CALN1: variants seen among roughly 807,000 people sequenced by gnomAD.
The protein encoded by CALN1 is calcium-binding protein 8.
In CALN1, 17 loss-of-function variants were observed where a neutral mutation model predicts 30.6. The observed-to-expected ratio is 0.56, with a 90% CI of 0.38 to 0.83. The LOEUF is 0.83. Among genes scored for constraint, CALN1 ranks in the 40% least tolerant of loss-of-function variants. CALN1 has a pLI of 0.00. For missense variants in CALN1, 291 were observed against 354.9 expected (o/e 0.82, Z 1.45); for synonymous variants, 156 against 131.4 (o/e 1.19, Z -1.28).
chr7:72,146,395 G>A (rs995513624), intron 3 of CALN1, among the ~76,000 whole-genome samples: 4 of 152,080 alleles, frequency 2.6e-5, no homozygotes, highest in African/African-American at 9.7e-5. Context: ...AAAATACCTA[G>A]GAATCCAACT....
At chr7:72,107,198 G>A (rs1807236244) in intron 3 of CALN1, among the ~76,000 whole-genome samples, 1 of 152,108 alleles carries the variant, frequency 6.6e-6, no homozygotes, top group African/African-American at 2.4e-5. Context: ...GGAGAAAGCT[G>A]CCTCTTAACT....
upstream of CALN1, chr7:72,412,473 T>C (rs1807250183): frequency 6.6e-6 from 1 of 152,104 alleles, no homozygotes; most frequent in South Asian, 2.1e-4. Flanking sequence ...GAGTGCTGAT[T>C]GGTCCATTTT....
chr7:72,012,894 C>T (rs993170788), intron 5 of CALN1, among the ~76,000 whole-genome samples: 4 of 152,248 alleles, frequency 2.6e-5, no homozygotes, highest in Admixed American at 1.3e-4. Context: ...CTCCGGGGTT[C>T]AAGCAATTCT....
intron 5 of CALN1, among the ~76,000 whole-genome samples, chr7:71,921,625 C>T (rs896896506): frequency 6.6e-6 from 1 of 152,148 alleles, no homozygotes; most frequent in African/African-American, 2.4e-5. Context: ...ATGTCCCTTA[C>T]TGGCTGAAAA....
intron 2 of CALN1, among the ~76,000 whole-genome samples, chr7:72,350,152 A>ACTG (rs1390789994): frequency 2.6e-5 from 4 of 152,166 alleles, no homozygotes; most frequent in Admixed American, 2.0e-4. Context: ...GTTTCAATCT[A>ACTG]CTGCTTTGGC....
intron 2 of CALN1, among the ~76,000 whole-genome samples, chr7:72,362,335 G>C (rs772549712): frequency 1.3e-5 from 2 of 152,040 alleles, no homozygotes; most frequent in East Asian, 3.9e-4. Context: ...ATGTACAGTC[G>C]CAAGAGTTTT....
chr7:71,903,566 A>G (rs1221216821), intron 5 of CALN1, among the ~76,000 whole-genome samples: 1 of 152,214 alleles, frequency 6.6e-6, no homozygotes, highest in Non-Finnish European at 1.5e-5. Flanking sequence ...AATGGATTAG[A>G]GACTTAAATG....
At chr7:72,258,272 G>A (rs917567517) in intron 3 of CALN1, among the ~76,000 whole-genome samples, 2 of 152,146 alleles carry the variant, frequency 1.3e-5, no homozygotes, top group African/African-American at 4.8e-5. Context: ...TTATAGGCAG[G>A]CAATCTTTGA....
chr7:72,405,661 CTAGT>C, intron 1 of CALN1, among the ~76,000 whole-genome samples: 1 of 151,902 alleles, frequency 6.6e-6, no homozygotes, highest in South Asian at 2.1e-4. Context: ...GGAGACTTCT[CTAGT>C]TAGCTCGTTA....
intron 5 of CALN1, among the ~76,000 whole-genome samples, chr7:71,897,976 A>AAG (rs1793623965): frequency 8.6e-6 from 1 of 116,890 alleles, no homozygotes; most frequent in Non-Finnish European, 1.7e-5. Flanking sequence ...AAAAAACAAA[A>AAG]AAAAAAAAAA....
chr7:72,131,643 A>C (rs758755769), intron 3 of CALN1, among the ~76,000 whole-genome samples: 2 of 152,154 alleles, frequency 1.3e-5, no homozygotes, highest in Non-Finnish European at 2.9e-5. Context: ...TTCACACTCT[A>C]AAATTTTTAA....
intron 5 of CALN1, among the ~76,000 whole-genome samples, chr7:71,887,455 C>A (rs1792980021): frequency 6.6e-6 from 1 of 152,124 alleles, no homozygotes; most frequent in Non-Finnish European, 1.5e-5. Flanking sequence ...GTCACCACGC[C>A]TGGCTAATTT....
chr7:72,104,684 C>T (rs1386517733), intron 4 of CALN1, among the ~76,000 whole-genome samples: 5 of 152,088 alleles, frequency 3.3e-5, no homozygotes, highest in African/African-American at 7.2e-5. Flanking sequence ...TTAGGCCGGG[C>T]GCGCTGGCTC....
chr7:72,252,252 T>A (rs1795611512), intron 3 of CALN1, among the ~76,000 whole-genome samples: 1 of 152,128 alleles, frequency 6.6e-6, no homozygotes, highest in South Asian at 2.1e-4. Context: ...TCTTGCACTC[T>A]ACACCTACCC....
At chr7:72,153,361 T>G (rs1216287626) in intron 3 of CALN1, among the ~76,000 whole-genome samples, 1 of 152,082 alleles carries the variant, frequency 6.6e-6, no homozygotes, top group African/African-American at 2.4e-5. Flanking sequence ...AGAAATTGTC[T>G]ACCTGCTGCC....
intron 5 of CALN1, among the ~76,000 whole-genome samples, chr7:71,812,698 T>C (rs921769408): frequency 1.9e-4 from 29 of 152,120 alleles, no homozygotes; most frequent in Non-Finnish European, 1.3e-4. Context: ...CGTAATGATC[T>C]TGTTATCTTC....
At chr7:72,130,335 G>T (rs1563082977) in intron 3 of CALN1, among the ~76,000 whole-genome samples, 1 of 152,166 alleles carries the variant, frequency 6.6e-6, no homozygotes, top group African/African-American at 2.4e-5. Flanking sequence ...GATGTGGAAT[G>T]ACCTGCAAGA....
intron 3 of CALN1, among the ~76,000 whole-genome samples, chr7:72,140,276 A>G (rs1437627819): frequency 8.3e-6 from 1 of 119,862 alleles, no homozygotes. Flanking sequence ...GTCTCAAAAT[A>G]AGAGAGAGAG....
At chr7:72,011,158 A>G (rs902255799) in intron 5 of CALN1, among the ~76,000 whole-genome samples, 3 of 152,108 alleles carry the variant, frequency 2.0e-5, no homozygotes. Context: ...TCAAAAAAAA[A>G]AGAAAAAAAA....
Sources: allele counts gnomAD v4.1 joint callset (sites outside exome capture counted in the v4.1 genomes callset), GRCh38; gene constraint gnomAD v4.1.1; transcripts MANE v1.5; gene names NCBI Gene and HGNC (gene_info 2026-07-23, HGNC 2026-07-21).